The following MX1 variants were observed in gnomAD, a reference collection of about 807,000 sequenced individuals.
MX1 encodes the protein MX dynamin like GTPase 1, also known as interferon-induced GTP-binding protein Mx1.
Under a neutral mutation model 66.4 loss-of-function variants are expected in MX1, and 66 were observed. The ratio of observed to expected loss-of-function variants is 0.99; its 90% confidence interval spans 0.82 to 1.22. The LOEUF (loss-of-function observed/expected upper bound fraction) is 1.22, where lower values mean the gene tolerates loss of function less well. MX1 is among the 50% of genes most tolerant of loss of function. MX1 has a pLI of 0.00. For synonymous variants in MX1, 311 were observed against 318.1 expected (o/e 0.98, Z 0.24); for missense variants, 787 against 834.3 (o/e 0.94, Z 0.70).
intron 13 of MX1, among the ~76,000 whole-genome samples, chr21:41,448,691 A>G (rs1335972721): frequency 1.3e-5 from 2 of 152,154 alleles, no homozygotes; most frequent in African/African-American, 4.8e-5. Context: ...CTGTAGTCCC[A>G]GCTACTTGGG....
At chr21:41,434,889 A>G (rs774662005) in intron 5 of MX1, among the ~76,000 whole-genome samples, 1 of 152,328 alleles carries the variant, frequency 6.6e-6, no homozygotes, top group Middle Eastern at 3.4e-3. Flanking sequence ...ATAGATCCAG[A>G]TTTCCATTCA....
intron 16 of MX1, among the ~76,000 whole-genome samples, chr21:41,458,190 G>A (rs986776033): frequency 3.9e-5 from 6 of 152,134 alleles, no homozygotes; most frequent in Non-Finnish European, 5.9e-5. Flanking sequence ...GTTTCACCAC[G>A]TTGACCAGGC....
upstream of MX1, chr21:41,422,958 C>T (rs189013666): frequency 1.3e-5 from 2 of 152,352 alleles, no homozygotes; most frequent in African/African-American, 4.8e-5. Context: ...ACCGAGCGGT[C>T]CTTGTTTTTA....
chr21:41,428,503 C>T (rs1290869282), intron 3 of MX1: 1 of 152,242 alleles, frequency 6.6e-6, no homozygotes, highest in Non-Finnish European at 1.5e-5. Flanking sequence ...CCTCCAGGGA[C>T]CTCGTCCTCG....
upstream of MX1, chr21:41,421,326 AG>A (rs762265798): frequency 3.3e-5 from 5 of 152,162 alleles, no homozygotes; most frequent in Non-Finnish European, 5.9e-5. Flanking sequence ...TCCATTGCCC[AG>A]GGACGGGCAG....
intron 16 of MX1, among the ~76,000 whole-genome samples, chr21:41,456,419 C>T (rs116572710): frequency 6.6e-6 from 1 of 152,294 alleles, no homozygotes; most frequent in African/African-American, 2.4e-5. Context: ...AAGGCTGAGT[C>T]CACAGGCGGA....
At chr21:41,425,487 G>C (rs908966853), upstream of MX1, among the ~76,000 whole-genome samples, 8 of 152,158 alleles carry the variant, frequency 5.3e-5, no homozygotes, top group Non-Finnish European at 1.2e-4. Flanking sequence ...TTCTTTTGTG[G>C]ATCTTCAGTT....
At chr21:41,436,146 A>G in intron 6 of MX1, 117 bp downstream of exon 6, 2 of 1,256,652 alleles carry the variant, frequency 1.6e-6, no homozygotes, top group Non-Finnish European at 2.2e-6. Flanking sequence ...GGAAGTCCAA[A>G]ATCAGGGTTT....
At position 41,441,838 on chromosome 21, in the gene MX1, G is replaced by A. The variant is rs763554423; in HGVS notation, c.853G>A (p.Glu285Lys). Residue 285 changes from glutamate (E) to lysine (K), a missense_variant, in exon 10 of 17, where the codon GAG becomes AAG. Glu to Lys is a moderately conservative substitution (Grantham distance 56). Coordinates refer to ENST00000398598, the MANE Select transcript of MX1 (RefSeq NM_002462.5). This position sits in a 1 kb window ranked among gnomAD's most constrained non-coding sequence, Gnocchi z 4.0. The part of the protein sequence containing the change: ...YMIVKCRGQQ[E>K]IQDQLSLSEA... ...GATTGTCAAGTGCCGGGGCCAGCAG[G>A]AGATCCAGGACCAGCTGAGCCTGTC... The A allele has an allele frequency of 6.2e-7, 1 of 1,614,212 alleles. No homozygotes were observed. Among genetic ancestry groups the A allele is most frequent in the South Asian group, 1.1e-5 (1 of 91,078 alleles).
At chr21:41,445,617 CA>C (rs35944509) in intron 12 of MX1, 47 bp downstream of exon 12, 1 of 1,608,706 alleles carries the variant, frequency 6.2e-7, no homozygotes. Context: ...ATGTCATGGT[CA>C]AAAAAGGGAC....
chr21:41,424,842 A>T (rs948966741), upstream of MX1, among the ~76,000 whole-genome samples: 2 of 152,262 alleles, frequency 1.3e-5, no homozygotes, highest in African/African-American at 2.4e-5. Flanking sequence ...CCCAACAAAG[A>T]AAGCAGCTAG....
At chr21:41,436,596 T>G (rs186173983) in intron 6 of MX1, among the ~76,000 whole-genome samples, 2 of 152,262 alleles carry the variant, frequency 1.3e-5, no homozygotes, top group African/African-American at 4.8e-5. Flanking sequence ...TGGAAGGAGT[T>G]TACAGTAGGA....
chr21:41,427,887 G>T (rs1186539192), intron 3 of MX1, 21 bp downstream of exon 3: 1 of 152,284 alleles, frequency 6.6e-6, no homozygotes, highest in African/African-American at 2.4e-5. Flanking sequence ...AATGAAGTGG[G>T]CCGTTGGGTT....
At chr21:41,444,414 C>T (rs1568985855) in intron 11 of MX1, among the ~76,000 whole-genome samples, 1 of 143,166 alleles carries the variant, frequency 7.0e-6, no homozygotes, top group East Asian at 2.0e-4. Flanking sequence ...GCAACCTCTG[C>T]CTCCTGGGTT....
chr21:41,451,359 G>A (rs2090820104), intron 15 of MX1, 116 bp downstream of exon 15: 2 of 738,592 alleles, frequency 2.7e-6, no homozygotes, highest in Non-Finnish European at 4.7e-6. Flanking sequence ...TTTTAGAACA[G>A]CAAATAACAT....
rs2091020007 is a variant in MX1 at position 41,458,815 on chromosome 21, G to A, written c.*57G>A. The A allele has an allele frequency of 1.9e-6, 3 of 1,563,854 alleles. No homozygotes were observed. Among genetic ancestry groups the A allele is most frequent in the Non-Finnish European group, 2.6e-6 (3 of 1,158,206 alleles). ...GCACACTGTCTGCCCCCGTTCCCGGGTAGCCACTGGACTGACGACTTGAGT... is the reference window on the plus strand; with the variant it reads ...GCACACTGTCTGCCCCCGTTCCCGGATAGCCACTGGACTGACGACTTGAGT... On this transcript the variant is annotated 3_prime_UTR_variant, in exon 17 of 17. Coordinates refer to ENST00000398598, the MANE Select transcript of MX1 (RefSeq NM_002462.5).
intron 5 of MX1, among the ~76,000 whole-genome samples, chr21:41,434,905 AT>A (rs2090318031): frequency 6.6e-6 from 1 of 152,192 alleles, no homozygotes; most frequent in Admixed American, 6.5e-5. Flanking sequence ...ATTCAGTATC[AT>A]TTTCCTTCTA....
At chr21:41,442,008 TGTGTGTGTGTGTGTGTGC>T (rs1427942049) in intron 10 of MX1, 94 bp downstream of exon 10, 43 of 795,074 alleles carry the variant, frequency 5.4e-5, no homozygotes, top group South Asian at 1.6e-4. Context: ...ATGTGTGGAG[TGTGTGTGTGTGTGTGTGC>T]GTGTGTGTGT....
intron 3 of MX1, among the ~76,000 whole-genome samples, chr21:41,430,159 A>G (rs1327078651): frequency 3.3e-5 from 5 of 152,012 alleles, no homozygotes; most frequent in Non-Finnish European, 7.4e-5. Flanking sequence ...GCAGCTAGAT[A>G]TGTTACAGAG....
Sources: allele counts gnomAD v4.1 joint callset (sites outside exome capture counted in the v4.1 genomes callset), GRCh38; gene constraint gnomAD v4.1.1; non-coding constraint Gnocchi (gnomAD v3.1); transcripts MANE v1.5; gene names NCBI Gene and HGNC (gene_info 2026-07-23, HGNC 2026-07-21).